GALNT14: variants seen among roughly 807,000 people sequenced by gnomAD.
The protein encoded by GALNT14 is polypeptide N-acetylgalactosaminyltransferase 14, also known as UDP-GalNAc:polypeptide N-acetylgalactosaminyltransferase 14.
Under a neutral mutation model 77.5 loss-of-function variants are expected in GALNT14, and 60 were observed. The observed-to-expected ratio is 0.77, with a 90% confidence interval of 0.63 to 0.96. GALNT14 has a LOEUF of 0.96. GALNT14 is among the 40% of genes least tolerant of loss of function. The pLI is 0.00. For synonymous variants in GALNT14, 280 were observed against 281.7 expected, an observed-to-expected ratio of 0.99 and a Z score of 0.06; for missense variants, 710 against 731.0, an observed-to-expected ratio of 0.97 and a Z score of 0.33.
intron 1 of GALNT14, among the ~76,000 whole-genome samples, chr2:31,018,340 G>C (rs568403594): frequency 1.3e-5 from 2 of 152,348 alleles, no homozygotes; most frequent in African/African-American, 4.8e-5. Context: ...AATTTATAAA[G>C]AAAAGAGGTT....
chr2:30,975,897 C>G (rs1319341727), intron 2 of GALNT14, among the ~76,000 whole-genome samples: 1 of 152,118 alleles, frequency 6.6e-6, no homozygotes, highest in African/African-American at 2.4e-5. Flanking sequence ...ATTTAAACAC[C>G]AGAAAAGGCC....
intron 12 of GALNT14, 21 bp downstream of exon 12, chr2:30,924,711 GCCAAAGCT>G: frequency 6.3e-7 from 1 of 1,597,694 alleles, no homozygotes; most frequent in Non-Finnish European, 8.6e-7. Flanking sequence ...CTTTCAGCCA[GCCAAAGCT>G]CCAACAGGTA....
At chr2:31,035,581 G>GTGTGTGTGTGTGTGTA (rs1672672813) in intron 1 of GALNT14, among the ~76,000 whole-genome samples, 2 of 141,356 alleles carry the variant, frequency 1.4e-5, no homozygotes, top group Non-Finnish European at 3.1e-5. Flanking sequence ...GTGTGTGTGT[G>GTGTGTGTGTGTGTGTA]TGTGTATACA....
chr2:31,031,638 GT>G (rs1455022153), intron 1 of GALNT14, among the ~76,000 whole-genome samples: 1 of 152,084 alleles, frequency 6.6e-6, no homozygotes, highest in East Asian at 1.9e-4. Flanking sequence ...GTTACACCTT[GT>G]TGACACATTC....
At chr2:30,952,852 T>C (rs1667113493) in intron 6 of GALNT14, among the ~76,000 whole-genome samples, 1 of 152,174 alleles carries the variant, frequency 6.6e-6, no homozygotes, top group Admixed American at 6.6e-5. Context: ...GTTACTGTTG[T>C]AATGGAAGAT....
chr2:30,998,077 T>C (rs1376146473), intron 1 of GALNT14, among the ~76,000 whole-genome samples: 1 of 152,206 alleles, frequency 6.6e-6, no homozygotes, highest in East Asian at 1.9e-4. Flanking sequence ...TGGATGGATA[T>C]TATGCTAAGC....
intron 1 of GALNT14, among the ~76,000 whole-genome samples, chr2:31,047,550 A>G (rs534806552): frequency 6.6e-6 from 1 of 152,248 alleles, no homozygotes; most frequent in East Asian, 1.9e-4. Context: ...TGGACACTAC[A>G]AGCAACATTT....
intron 1 of GALNT14, among the ~76,000 whole-genome samples, chr2:31,024,721 A>G (rs1414302439): frequency 6.6e-6 from 1 of 152,222 alleles, no homozygotes; most frequent in Non-Finnish European, 1.5e-5. Context: ...CAGGAATTCC[A>G]GTGGGTATCC....
intron 1 of GALNT14, among the ~76,000 whole-genome samples, chr2:31,080,375 G>A (rs1466656052): frequency 6.6e-6 from 1 of 152,148 alleles, no homozygotes; most frequent in Non-Finnish European, 1.5e-5. Context: ...TTGTTGTTTT[G>A]TTGAAATTCC....
At chr2:30,935,467 G>A (rs985444954) in intron 9 of GALNT14, among the ~76,000 whole-genome samples, 12 of 152,160 alleles carry the variant, frequency 7.9e-5, no homozygotes, top group East Asian at 1.9e-4. Context: ...GGCTGCTGCC[G>A]CCCAGAGGAA....
intron 4 of GALNT14, 29 bp downstream of exon 4, chr2:30,958,368 C>A: frequency 1.2e-6 from 2 of 1,601,076 alleles, no homozygotes; most frequent in South Asian, 2.2e-5. Flanking sequence ...ACATTCGTGT[C>A]TAAAGAGCAA....
At chr2:31,037,686 C>T (rs895665276) in intron 1 of GALNT14, among the ~76,000 whole-genome samples, 1 of 152,006 alleles carries the variant, frequency 6.6e-6, no homozygotes, top group African/African-American at 2.4e-5. Flanking sequence ...TGATGCTACT[C>T]CTGCTTGTGG....
chr2:31,045,573 C>T (rs1291727737), intron 1 of GALNT14, among the ~76,000 whole-genome samples: 1 of 152,196 alleles, frequency 6.6e-6, no homozygotes, highest in Non-Finnish European at 1.5e-5. Flanking sequence ...AGCAATTCTC[C>T]TGCTTCAGCC....
intron 10 of GALNT14, among the ~76,000 whole-genome samples, chr2:30,930,768 G>C (rs1665676764): frequency 6.6e-6 from 1 of 152,240 alleles, no homozygotes; most frequent in African/African-American, 2.4e-5. Flanking sequence ...AGCCTGGTTG[G>C]TGGGGCACTG....
chr2:30,926,594 G>C (rs968409316), intron 11 of GALNT14, among the ~76,000 whole-genome samples: 1 of 152,170 alleles, frequency 6.6e-6, no homozygotes, highest in African/African-American at 2.4e-5. Flanking sequence ...AGTAAGAAGA[G>C]GCTTTTTAAC....
intron 3 of GALNT14, among the ~76,000 whole-genome samples, chr2:30,961,868 T>C (rs912059568): frequency 6.6e-6 from 1 of 152,098 alleles, no homozygotes. Context: ...TTTTTTGTTT[T>C]TTTTAGTAGA....
chr2:31,077,156 T>C (rs748557333), intron 1 of GALNT14, among the ~76,000 whole-genome samples: 1 of 152,244 alleles, frequency 6.6e-6, no homozygotes, highest in African/African-American at 2.4e-5. Context: ...TGGGCATTTT[T>C]AGACCCACTT....
chr2:31,133,753 T>C (rs947157556), intron 1 of GALNT14, among the ~76,000 whole-genome samples: 4 of 152,246 alleles, frequency 2.6e-5, no homozygotes, highest in African/African-American at 9.6e-5. Context: ...CAGCTACTTT[T>C]AAGTGGCATA....
chr2:30,928,748 C>G (rs1258287543), intron 11 of GALNT14, among the ~76,000 whole-genome samples: 3 of 152,098 alleles, frequency 2.0e-5, no homozygotes, highest in African/African-American at 7.2e-5. Context: ...TCCCGAATAG[C>G]TGGGACTACA....
Sources: gnomAD v4.1 joint callset for allele counts (sites outside exome capture counted in the v4.1 genomes callset) on GRCh38, gnomAD v4.1.1 for gene constraint, MANE v1.5 for transcripts, NCBI Gene and HGNC (gene_info 2026-07-23, HGNC 2026-07-21) for gene names.